The following FAP variants were observed in gnomAD, a reference collection of about 807,000 sequenced individuals.
FAP encodes prolyl endopeptidase FAP.
In FAP, 110 loss-of-function variants were observed where a neutral mutation model predicts 126.5. The observed-to-expected ratio is 0.87, with a 90% CI of 0.74 to 1.02. The LOEUF is 1.02. Among genes scored for constraint, FAP ranks in the 50% least tolerant of loss-of-function variants. The pLI, the probability that FAP is intolerant of heterozygous loss-of-function variation, is 0.00. For synonymous variants in FAP, 334 were observed against 297.3 expected (o/e 1.12, Z -1.27); for missense variants, 919 against 909.2 (o/e 1.01, Z -0.14).
chr2:162,230,898 C>A (rs939271265), intron 2 of FAP, among the ~76,000 whole-genome samples: 1 of 152,118 alleles, frequency 6.6e-6, no homozygotes, highest in African/African-American at 2.4e-5. Context: ...AGGAATCATT[C>A]CTTGACTACA....
chr2:162,224,318 T>C, intron 5 of FAP, 148 bp downstream of exon 5: 1 of 569,974 alleles, frequency 1.8e-6, no homozygotes. Flanking sequence ...TCCATAAGAT[T>C]GAAACATATC....
rs376925027 is a variant in FAP at position 162,203,478 on chromosome 2, G to A, written c.1048-333C>T. ...TCACAAACGCATGTTGATATTTAAC[G>A]AAACCAAACCTAAAATGAGGTATTT... On this transcript the variant is annotated intron_variant, in intron 12 of 25. Coordinates refer to ENST00000188790, the MANE Select transcript of FAP (RefSeq NM_004460.5). Among the ~76,000 whole-genome samples the A allele has an allele frequency of 2.1e-4, 32 of 152,282 alleles. 1 individual carries two copies. Among genetic ancestry groups the A allele is most frequent in the African/African-American group, 7.0e-4 (29 of 41,556 alleles).
intron 6 of FAP, among the ~76,000 whole-genome samples, 177 bp downstream of exon 6, chr2:162,223,431 A>G (rs969707904): frequency 2.8e-4 from 43 of 152,198 alleles, no homozygotes; most frequent in African/African-American, 1.0e-3. Flanking sequence ...TGGGTATCCC[A>G]TATAAGTATT....
chr2:162,209,247 G>C (rs571907947), intron 12 of FAP, among the ~76,000 whole-genome samples: 1 of 152,084 alleles, frequency 6.6e-6, no homozygotes, highest in African/African-American at 2.4e-5. Flanking sequence ...AATACTAATT[G>C]AATTGAATTA....
intron 20 of FAP, among the ~76,000 whole-genome samples, chr2:162,187,561 G>T (rs113424013): frequency 6.6e-6 from 1 of 152,010 alleles, no homozygotes; most frequent in Non-Finnish European, 1.5e-5. Flanking sequence ...CATAAATCAT[G>T]GTTGAAAATA....
At chr2:162,195,062 G>A in intron 16 of FAP, 1 of 363,444 alleles carries the variant, frequency 2.8e-6, no homozygotes, top group Non-Finnish European at 5.2e-6. Context: ...GGCCTTCTGG[G>A]AAGATGTCAT....
intron 23 of FAP, 127 bp downstream of exon 23, chr2:162,173,596 G>C: frequency 1.4e-6 from 1 of 695,996 alleles, no homozygotes; most frequent in Non-Finnish European, 2.6e-6. Flanking sequence ...GATGTGTTTT[G>C]CAATTAACAA....
intron 12 of FAP, among the ~76,000 whole-genome samples, chr2:162,205,360 G>T (rs1688663640): frequency 1.3e-5 from 2 of 152,160 alleles, no homozygotes; most frequent in African/African-American, 4.8e-5. Flanking sequence ...AGAGGCCCAG[G>T]AATAGGAAAC....
intron 19 of FAP, among the ~76,000 whole-genome samples, chr2:162,188,857 C>T (rs969192814): frequency 6.6e-5 from 10 of 152,004 alleles, no homozygotes; most frequent in East Asian, 1.9e-4. Context: ...CTGACACATT[C>T]GGCAAATTGC....
intron 14 of FAP, among the ~76,000 whole-genome samples, chr2:162,200,884 C>G (rs1688471619): frequency 6.6e-6 from 1 of 152,128 alleles, no homozygotes; most frequent in South Asian, 2.1e-4. Flanking sequence ...GCAAAATCAA[C>G]TAGGAAATTT....
intron 16 of FAP, among the ~76,000 whole-genome samples, chr2:162,197,989 T>G (rs1341603474): frequency 1.3e-5 from 2 of 152,214 alleles, no homozygotes; most frequent in Non-Finnish European, 2.9e-5. Context: ...ATTTCATTGA[T>G]CTATATTGGC....
chr2:162,178,992 G>A (rs142815893), intron 21 of FAP, among the ~76,000 whole-genome samples: 1 of 152,144 alleles, frequency 6.6e-6, no homozygotes, highest in East Asian at 1.9e-4. Flanking sequence ...TCAGGCCTTT[G>A]ATATCTGTCC....
At chr2:162,202,526 A>C (rs1299294062) in intron 14 of FAP, among the ~76,000 whole-genome samples, 1 of 152,238 alleles carries the variant, frequency 6.6e-6, no homozygotes, top group Non-Finnish European at 1.5e-5. Context: ...AAGATGCTCC[A>C]TATCTATGGG....
intron 2 of FAP, among the ~76,000 whole-genome samples, chr2:162,235,745 A>G (rs560448316): frequency 6.6e-6 from 1 of 152,092 alleles, no homozygotes; most frequent in Non-Finnish European, 1.5e-5. Flanking sequence ...GTCTCCTTCC[A>G]CACTGTGGAA....
Position 162,225,347 on chromosome 2 carries a change from G to A in FAP, c.285+136C>T, listed in dbSNP as rs534655648. 4.7e-6 allele frequency: 5 copies of A among 1,070,614 alleles called. No homozygotes were observed. The African/African-American group carries it at 4.9e-5, about 11-fold the overall frequency. 66.3% of individuals were successfully genotyped at this position (1,070,614 alleles called of 1,614,324 possible). On this transcript the variant is annotated intron_variant, in intron 4 of 25. Transcript: ENST00000188790. ...GTCTAATGGGACTAGCAGACAGAAC[G>A]GGAAGACTCTAGTGGAGTATGGAGC...
chr2:162,205,951 G>A (rs1688683038), intron 12 of FAP, among the ~76,000 whole-genome samples: 1 of 152,176 alleles, frequency 6.6e-6, no homozygotes, highest in Non-Finnish European at 1.5e-5. Flanking sequence ...CAGTCAGTTA[G>A]ATAAGGGACT....
intron 4 of FAP, 26 bp from the exon 5 acceptor site, chr2:162,224,566 A>G: frequency 3.6e-6 from 5 of 1,408,270 alleles, no homozygotes; most frequent in Non-Finnish European, 4.9e-6. Flanking sequence ...GGTTGATTAG[A>G]ATACAGAAAA....
At chr2:162,234,844 C>A (rs1469342612) in intron 2 of FAP, among the ~76,000 whole-genome samples, 1 of 152,066 alleles carries the variant, frequency 6.6e-6, no homozygotes, top group South Asian at 2.1e-4. Context: ...CCTTGGCTTG[C>A]GGGGAGGTGT....
chr2:162,181,990 G>A (rs1406001855), intron 21 of FAP, among the ~76,000 whole-genome samples: 2 of 152,166 alleles, frequency 1.3e-5, no homozygotes, highest in African/African-American at 2.4e-5. Flanking sequence ...TTTGCTCTGA[G>A]TCGACCTCAC....
Sources: gnomAD v4.1 joint callset for allele counts (sites outside exome capture counted in the v4.1 genomes callset) on GRCh38, gnomAD v4.1.1 for gene constraint, MANE v1.5 for transcripts, NCBI Gene and HGNC (gene_info 2026-07-23, HGNC 2026-07-21) for gene names.